Variants in LTBP1 observed in about 807,000 individuals in gnomAD.
The protein encoded by LTBP1 is latent-transforming growth factor beta-binding protein 1.
A neutral mutation model predicts 207.6 loss-of-function variants in LTBP1; 129 were observed. The observed-to-expected ratio is 0.62, with a 90% CI of 0.54 to 0.72. The LOEUF is 0.72. LTBP1 is among the 30% of genes least tolerant of loss of function. The pLI, the probability that LTBP1 is intolerant of heterozygous loss-of-function variation, is 0.00. For missense variants in LTBP1, 2,281 were observed against 2,217.2 expected (o/e 1.03, Z -0.58); for synonymous variants, 963 against 833.7 (o/e 1.16, Z -2.67).
chr2:33,206,728 G>A (rs1344419569), intron 7 of LTBP1, among the ~76,000 whole-genome samples: 1 of 140,894 alleles, frequency 7.1e-6, no homozygotes, highest in African/African-American at 2.8e-5. Flanking sequence ...GACAGAGCAA[G>A]ACTCCATTTC....
intron 22 of LTBP1, 60 bp downstream of exon 22, chr2:33,301,704 A>G (rs2093991734): frequency 1.4e-6 from 2 of 1,446,104 alleles, no homozygotes. Context: ...AAATCTGGGC[A>G]TCATCTCAGC....
intron 4 of LTBP1, among the ~76,000 whole-genome samples, chr2:33,131,915 T>A (rs1032715713): frequency 7.9e-5 from 12 of 152,196 alleles, no homozygotes; most frequent in African/African-American, 2.7e-4. Flanking sequence ...GCTTATAAAG[T>A]GACTACTGTA....
intron 31 of LTBP1, among the ~76,000 whole-genome samples, chr2:33,386,259 A>G (rs2095264553): frequency 6.6e-6 from 1 of 152,194 alleles, no homozygotes; most frequent in African/African-American, 2.4e-5. Flanking sequence ...TAAACATTGC[A>G]TAGGAACAGG....
intron 4 of LTBP1, among the ~76,000 whole-genome samples, chr2:33,127,246 T>C (rs1327728337): frequency 6.6e-6 from 1 of 152,200 alleles, no homozygotes; most frequent in Non-Finnish European, 1.5e-5. Flanking sequence ...TTTTCTTTTA[T>C]GCAGAATTTA....
chr2:33,100,450 T>C (rs544933740), intron 3 of LTBP1, among the ~76,000 whole-genome samples: 1 of 151,818 alleles, frequency 6.6e-6, no homozygotes, highest in Non-Finnish European at 1.5e-5. Flanking sequence ...CCAGCTTCTT[T>C]TTCCCTCATT....
intron 2 of LTBP1, among the ~76,000 whole-genome samples, chr2:32,962,541 T>G (rs772173171): frequency 6.6e-6 from 1 of 152,242 alleles, no homozygotes. Context: ...GCAAGTTACG[T>G]TTGTTTCGAG....
chr2:33,054,211 C>T (rs1435590004), intron 3 of LTBP1, among the ~76,000 whole-genome samples: 1 of 152,204 alleles, frequency 6.6e-6, no homozygotes, highest in Non-Finnish European at 1.5e-5. Context: ...GCACTAGTCT[C>T]CACTGACCGT....
intron 9 of LTBP1, among the ~76,000 whole-genome samples, chr2:33,224,780 T>C (rs183152497): frequency 6.6e-6 from 1 of 152,304 alleles, no homozygotes. Context: ...TTTAGTTATA[T>C]TGCTACCTGT....
intron 5 of LTBP1, among the ~76,000 whole-genome samples, chr2:33,155,489 C>G (rs575011645): frequency 6.6e-6 from 1 of 152,300 alleles, no homozygotes; most frequent in East Asian, 1.9e-4. Context: ...GTTTCTCCAC[C>G]TCAGTGTTAT....
Position 33,243,747 on chromosome 2 carries a change from A to T in LTBP1, c.1962A>T (p.Ile654=). Residue 654 remains isoleucine (I), a synonymous_variant, in exon 10 of 34, where the codon ATA becomes ATT. Coordinates refer to ENST00000404816, the MANE Select transcript of LTBP1 (RefSeq NM_206943.4). ...TMGSYRCTCK[I]GFGPDPTFSS... ...GCAGCTATCGATGTACCTGCAAAAT[A>T]GGATTTGGGCCGGATCCTACCTTTT... is the stretch of plus-strand genomic sequence containing the variant. 6.2e-7 allele frequency: 1 copy of T among 1,614,140 alleles called. No homozygotes were observed. The highest frequency in any genetic ancestry group is 8.5e-7 in the Non-Finnish European group (1 of 1,179,986).
intron 20 of LTBP1, among the ~76,000 whole-genome samples, chr2:33,299,240 C>CA (rs1300938977): frequency 0.11 from 8,726 of 78,484 alleles, 302 homozygotes; most frequent in Middle Eastern, 0.26. Context: ...GACTCTGTCT[C>CA]AAAAAAAAAA....
At chr2:32,957,928 C>G (rs537181520) in intron 2 of LTBP1, among the ~76,000 whole-genome samples, 1 of 152,160 alleles carries the variant, frequency 6.6e-6, no homozygotes, top group African/African-American at 2.4e-5. Context: ...ACATTGCCAT[C>G]GAGACCCCAA....
chr2:32,995,263 A>G (rs1044304711), intron 2 of LTBP1, among the ~76,000 whole-genome samples: 5 of 151,910 alleles, frequency 3.3e-5, no homozygotes, highest in Admixed American at 6.6e-5. Context: ...GCCGGTGGAG[A>G]TGTTATAGGG....
intron 2 of LTBP1, among the ~76,000 whole-genome samples, chr2:32,996,478 CTG>C (rs1685293342): frequency 6.6e-6 from 1 of 152,152 alleles, no homozygotes; most frequent in Non-Finnish European, 1.5e-5. Flanking sequence ...GCCCATGACA[CTG>C]TTCATTTATT....
chr2:33,333,019 G>A (rs909866549), intron 24 of LTBP1: 6 of 152,252 alleles, frequency 3.9e-5, no homozygotes, highest in African/African-American at 1.4e-4. Context: ...AGGGAGGCAG[G>A]TACAGAATTT....
chr2:33,389,361 G>A, intron 32 of LTBP1, 55 bp downstream of exon 32: 1 of 1,604,338 alleles, frequency 6.2e-7, no homozygotes, highest in South Asian at 1.1e-5. Context: ...AGATTAATCA[G>A]TGGTCCTCAA....
intron 7 of LTBP1, among the ~76,000 whole-genome samples, chr2:33,200,984 C>G (rs1242912360): frequency 6.6e-6 from 1 of 152,156 alleles, no homozygotes. Context: ...ACAACAGGTG[C>G]TGGAGAGGAT....
At chr2:32,955,459 C>G (rs921956214) in intron 2 of LTBP1, among the ~76,000 whole-genome samples, 2 of 151,916 alleles carry the variant, frequency 1.3e-5, no homozygotes, top group African/African-American at 4.8e-5. Context: ...CACTTTGGAA[C>G]AGTTGGGTGT....
chr2:33,094,475 A>G (rs1315458535), intron 3 of LTBP1, among the ~76,000 whole-genome samples: 1 of 152,238 alleles, frequency 6.6e-6, no homozygotes, highest in African/African-American at 2.4e-5. Context: ...CACCTGTAGA[A>G]TGAGGAGACT....
Sources: gnomAD v4.1 joint callset for allele counts (sites outside exome capture counted in the v4.1 genomes callset) on GRCh38, gnomAD v4.1.1 for gene constraint, MANE v1.5 for transcripts, NCBI Gene and HGNC (gene_info 2026-07-23, HGNC 2026-07-21) for gene names.